Variants in COLEC12 observed in about 807,000 individuals in gnomAD.
COLEC12 encodes collectin subfamily member 12.
COLEC12 carries 33 observed loss-of-function variants against 71.1 expected under a neutral mutation model. The ratio of observed to expected loss-of-function variants is 0.46; its 90% CI spans 0.35 to 0.62. COLEC12 has a LOEUF of 0.62. Ranked by LOEUF, COLEC12 falls within the 20% of genes least tolerant of loss-of-function variation. The probability of loss-of-function intolerance (pLI) is 0.00; values close to 1 mark genes in which losing one functional copy is unlikely to be tolerated. For missense variants in COLEC12, 765 were observed against 916.1 expected (o/e 0.84, Z 2.13); for synonymous variants, 350 against 353.0 (o/e 0.99, Z 0.10).
intron 5 of COLEC12, among the ~76,000 whole-genome samples, chr18:342,889 G>A (rs115281559): frequency 1.6e-3 from 239 of 152,286 alleles, no homozygotes; most frequent in African/African-American, 5.6e-3. Context: ...TATCACATAT[G>A]CTTTTCCATG....
At chr18:465,678 G>A (rs185604559) in intron 2 of COLEC12, among the ~76,000 whole-genome samples, 1 of 152,110 alleles carries the variant, frequency 6.6e-6, no homozygotes, top group Non-Finnish European at 1.5e-5. Flanking sequence ...CTTCAAAAGA[G>A]GCCTATTATC....
intron 6 of COLEC12, 102 bp from the exon 7 acceptor site, chr18:333,245 G>A (rs1488926276): frequency 1.0e-6 from 1 of 968,302 alleles, no homozygotes; most frequent in African/African-American, 1.6e-5. Flanking sequence ...CCCGCTGGGA[G>A]CAGCCTGAGC....
At chr18:368,211 T>G (rs1042748445) in intron 2 of COLEC12, among the ~76,000 whole-genome samples, 7 of 152,226 alleles carry the variant, frequency 4.6e-5, no homozygotes, top group African/African-American at 7.2e-5. Flanking sequence ...AACATACGTT[T>G]GTACACACAC....
intron 2 of COLEC12, among the ~76,000 whole-genome samples, chr18:454,778 C>T (rs982845177): frequency 6.6e-5 from 10 of 152,190 alleles, no homozygotes; most frequent in African/African-American, 2.4e-4. Flanking sequence ...TGACGGTTTT[C>T]GATTAGTTTG....
intron 3 of COLEC12, among the ~76,000 whole-genome samples, chr18:350,416 C>T (rs938785823): frequency 2.6e-5 from 4 of 152,266 alleles, no homozygotes; most frequent in South Asian, 2.1e-4. Context: ...ATGTCTTTAT[C>T]AGCAGCATGG....
rs75299511 is a variant in COLEC12 at position 420,566 on chromosome 18, T to G, written c.58+60141A>C. Reference sequence around the variant, plus strand: ...AGGTAAAGCAAAGGGGGTTCTGGATTATCTTTCCCTCAAGGTAGAGGTTAA... The same window carrying G: ...AGGTAAAGCAAAGGGGGTTCTGGATGATCTTTCCCTCAAGGTAGAGGTTAA... On this transcript the variant is annotated intron_variant, in intron 2 of 9. Coordinates refer to ENST00000400256, the MANE Select transcript of COLEC12 (RefSeq NM_130386.3). 2.7e-3 allele frequency among the ~76,000 whole-genome samples: 409 copies of G among 152,306 alleles called. 9 individuals are homozygous for G. The East Asian group carries it at 0.063, about 24-fold the overall frequency.
intron 3 of COLEC12, among the ~76,000 whole-genome samples, chr18:350,799 A>G (rs1914499000): frequency 6.6e-6 from 1 of 151,916 alleles, no homozygotes; most frequent in Non-Finnish European, 1.5e-5. Context: ...GTGGTGGTAC[A>G]CGCCTGTAAC....
chr18:357,540 T>A lies in COLEC12; in HGVS notation c.59-18A>T. On this transcript the variant is annotated intron_variant, in intron 2 of 9. Transcript: ENST00000400256. ...CTGAATACCTGTAAGAGAAGTCAAA[T>A]TTTAATAACAGTAAGCAAAGATGTC... 1 of 1,514,616 alleles carries A rather than the reference T, an allele frequency of 6.6e-7. No individual in the cohort carries two copies. Among genetic ancestry groups the A allele is most frequent in the Non-Finnish European group, 8.9e-7 (1 of 1,128,208 alleles). The allele number at this position is 1,514,616 out of a possible 1,614,324, so 93.8% of individuals were successfully genotyped here. A position where few individuals can be genotyped will look rare whatever the true frequency, so the allele number is the denominator to read the frequency against.
chr18:341,763 C>T (rs1033910416), intron 5 of COLEC12, among the ~76,000 whole-genome samples: 5 of 152,164 alleles, frequency 3.3e-5, no homozygotes, highest in Non-Finnish European at 5.9e-5. Flanking sequence ...AAAAGGTACA[C>T]ACAGATGAGG....
intron 1 of COLEC12, among the ~76,000 whole-genome samples, chr18:482,177 G>A (rs1270693547): frequency 6.6e-6 from 1 of 150,690 alleles, no homozygotes; most frequent in East Asian, 2.0e-4. Flanking sequence ...GTGCAGTGGC[G>A]CGATCTCGGC....
At chr18:441,044 G>T (rs111633569) in intron 2 of COLEC12, among the ~76,000 whole-genome samples, 8 of 149,898 alleles carry the variant, frequency 5.3e-5, no homozygotes, top group Non-Finnish European at 1.0e-4. Context: ...GCCAGGAGAT[G>T]GAGACCATCC....
At chr18:450,759 CAGA>C (rs1916745436) in intron 2 of COLEC12, among the ~76,000 whole-genome samples, 1 of 152,056 alleles carries the variant, frequency 6.6e-6, no homozygotes, top group African/African-American at 2.4e-5. Flanking sequence ...GTGGAGGGCT[CAGA>C]AGAAGACAGC....
At chr18:475,860 G>A (rs1334914452) in intron 2 of COLEC12, among the ~76,000 whole-genome samples, 1 of 152,184 alleles carries the variant, frequency 6.6e-6, no homozygotes, top group African/African-American at 2.4e-5. Flanking sequence ...AGGAGGGAAC[G>A]GTGATGGCAA....
intron 2 of COLEC12, among the ~76,000 whole-genome samples, chr18:445,162 C>T (rs953924126): frequency 2.0e-5 from 3 of 152,158 alleles, no homozygotes; most frequent in African/African-American, 7.2e-5. Context: ...GGAGAACTGA[C>T]TGAAATGTGG....
At chr18:455,155 C>T (rs1916839209) in intron 2 of COLEC12, among the ~76,000 whole-genome samples, 1 of 152,054 alleles carries the variant, frequency 6.6e-6, no homozygotes, top group Non-Finnish European at 1.5e-5. Context: ...GCTCCATGGC[C>T]GCATTGTGGC....
At chr18:377,747 G>A (rs1433302088) in intron 2 of COLEC12, among the ~76,000 whole-genome samples, 1 of 152,112 alleles carries the variant, frequency 6.6e-6, no homozygotes, top group East Asian at 1.9e-4. Context: ...GCCTGAGCTT[G>A]GAGCACTTGC....
intron 2 of COLEC12, among the ~76,000 whole-genome samples, chr18:413,938 T>C (rs1436602260): frequency 6.6e-6 from 1 of 152,210 alleles, no homozygotes; most frequent in African/African-American, 2.4e-5. Context: ...GATACAACAT[T>C]CTTGAAATGA....
At chr18:424,707 G>C (rs538909024) in intron 2 of COLEC12, among the ~76,000 whole-genome samples, 1 of 152,306 alleles carries the variant, frequency 6.6e-6, no homozygotes, top group East Asian at 1.9e-4. Context: ...GGTTTCTGCT[G>C]ACCTGGCCTC....
intron 2 of COLEC12, among the ~76,000 whole-genome samples, chr18:463,467 A>G (rs1343198013): frequency 1.3e-5 from 2 of 152,218 alleles, no homozygotes; most frequent in East Asian, 3.8e-4. Flanking sequence ...ACACACAGAG[A>G]GAAAAATAAT....
Sources: gnomAD v4.1 joint callset for allele counts (sites outside exome capture counted in the v4.1 genomes callset) on GRCh38, gnomAD v4.1.1 for gene constraint, MANE v1.5 for transcripts, NCBI Gene and HGNC (gene_info 2026-07-23, HGNC 2026-07-21) for gene names.